SLC1A1: variants seen among roughly 807,000 people sequenced by gnomAD.
SLC1A1 encodes the protein solute carrier family 1 member 1.
A neutral mutation model predicts 53.3 loss-of-function variants in SLC1A1; 43 were observed. The observed-to-expected ratio is 0.81, with a 90% confidence interval of 0.63 to 1.04. The LOEUF is 1.04. Among genes scored for constraint, SLC1A1 ranks in the 50% least tolerant of loss-of-function variants. SLC1A1 has a pLI of 0.00. For synonymous variants in SLC1A1, 307 were observed against 243.2 expected (o/e 1.26, Z -2.44); for missense variants, 748 against 664.9 (o/e 1.12, Z -1.37).
At position 4,552,918 on chromosome 9, in the gene SLC1A1, G is replaced by A. The variant is rs75587526; in HGVS notation, c.232+8211G>A. 1.2e-4 allele frequency among the ~76,000 whole-genome samples: 18 copies of A among 151,986 alleles called. No individual in the cohort carries two copies. In the East Asian group the frequency reaches 2.9e-3, roughly 24 times the overall value. On this transcript the variant is annotated intron_variant, in intron 2 of 11. Coordinates refer to ENST00000262352, the MANE Select transcript of SLC1A1 (RefSeq NM_004170.6). Reference sequence around the variant, plus strand: ...AGGGCCAATATCAGAATTGAGCTACGCAGATATGAACACACTGAATGCATT... The same window carrying A: ...AGGGCCAATATCAGAATTGAGCTACACAGATATGAACACACTGAATGCATT...
chr9:4,506,907 G>A (rs1820827324), intron 1 of SLC1A1, among the ~76,000 whole-genome samples: 1 of 152,190 alleles, frequency 6.6e-6, no homozygotes, highest in Non-Finnish European at 1.5e-5. Context: ...TACTAAGGGG[G>A]CTGAAGATTC....
intron 1 of SLC1A1, among the ~76,000 whole-genome samples, chr9:4,515,761 TG>T (rs1821141824): frequency 6.6e-6 from 1 of 152,310 alleles, no homozygotes; most frequent in South Asian, 2.1e-4. Flanking sequence ...CCAGCAGGAC[TG>T]AACCCTTGCT....
At chr9:4,547,884 T>G (rs12341219) in intron 2 of SLC1A1, among the ~76,000 whole-genome samples, 40,547 of 151,994 alleles carry the variant, frequency 0.27, 6,201 homozygotes, top group Admixed American at 0.38. Context: ...TTTAATTACA[T>G]GTGGGAACAT....
chr9:4,575,932 T>G (rs1420588006), intron 8 of SLC1A1, 69 bp from the exon 9 acceptor site: 2 of 1,563,250 alleles, frequency 1.3e-6, no homozygotes, highest in Non-Finnish European at 1.8e-6. Context: ...AAAAGATGTT[T>G]GATAAAAGGA....
intron 1 of SLC1A1, among the ~76,000 whole-genome samples, chr9:4,512,890 A>C (rs1821044182): frequency 6.6e-6 from 1 of 152,178 alleles, no homozygotes. Flanking sequence ...TCAGACTCTC[A>C]AAGTGCTGAG....
At chr9:4,547,970 T>C (rs544626818) in intron 2 of SLC1A1, among the ~76,000 whole-genome samples, 3 of 152,304 alleles carry the variant, frequency 2.0e-5, no homozygotes, top group African/African-American at 7.2e-5. Flanking sequence ...TATTAAAATG[T>C]ATATACATTT....
chr9:4,524,376 A>G (rs1464749319), intron 1 of SLC1A1, among the ~76,000 whole-genome samples: 1 of 152,210 alleles, frequency 6.6e-6, no homozygotes, highest in African/African-American at 2.4e-5. Flanking sequence ...ACACAAAGAA[A>G]TATAAAAGTC....
At chr9:4,561,902 A>T (rs1247308555) in intron 3 of SLC1A1, among the ~76,000 whole-genome samples, 1 of 152,076 alleles carries the variant, frequency 6.6e-6, no homozygotes, top group Non-Finnish European at 1.5e-5. Context: ...AGAAAAGCTC[A>T]ACTACTTTTT....
At chr9:4,569,902 G>T (rs1819863279) in intron 6 of SLC1A1, among the ~76,000 whole-genome samples, 1 of 152,170 alleles carries the variant, frequency 6.6e-6, no homozygotes, top group African/African-American at 2.4e-5. Flanking sequence ...ACAGATGCCA[G>T]GCCTCTGTCC....
intron 1 of SLC1A1, among the ~76,000 whole-genome samples, chr9:4,536,083 T>G (rs1407927673): frequency 1.3e-5 from 2 of 152,080 alleles, no homozygotes; most frequent in Non-Finnish European, 2.9e-5. Context: ...CCTAAAACCA[T>G]AAAAACCCTA....
chr9:4,556,721 T>G lies in SLC1A1; in HGVS notation c.233-4728T>G, dbSNP rs1480344348. Among the ~76,000 whole-genome samples the G allele has an allele frequency of 6.6e-6, 1 of 152,220 alleles. No homozygotes were observed. The highest frequency in any genetic ancestry group is 2.4e-5 in the African/African-American group (1 of 41,456). ...AACATTCATTGCGCTAGACCACAAGTTCTCACCAAGACAATATCGTCCCCA... is the reference window on the plus strand; with the variant it reads ...AACATTCATTGCGCTAGACCACAAGGTCTCACCAAGACAATATCGTCCCCA... On this transcript the variant is annotated intron_variant, in intron 2 of 11. Coordinates refer to ENST00000262352, the MANE Select transcript of SLC1A1 (RefSeq NM_004170.6). This position sits in a 1 kb window ranked among gnomAD's most constrained non-coding sequence, Gnocchi z 4.1.
chr9:4,505,040 TATTTC>T (rs964062692), intron 1 of SLC1A1, among the ~76,000 whole-genome samples: 3 of 119,340 alleles, frequency 2.5e-5, no homozygotes, highest in African/African-American at 9.8e-5. Flanking sequence ...TGTGTACATA[TATTTC>T]TTTTTTTTTT....
intron 1 of SLC1A1, among the ~76,000 whole-genome samples, chr9:4,507,208 C>T (rs1274387958): frequency 6.6e-6 from 1 of 151,798 alleles, no homozygotes; most frequent in African/African-American, 2.4e-5. Context: ...GCACTCCAGC[C>T]TGGGTGACAC....
At chr9:4,544,006 C>T (rs1817240758) in intron 1 of SLC1A1, among the ~76,000 whole-genome samples, 1 of 152,040 alleles carries the variant, frequency 6.6e-6, no homozygotes, top group Non-Finnish European at 1.5e-5. Context: ...GAATGAAACC[C>T]TCTCAAGAAA....
chr9:4,543,185 A>G (rs1038724488), intron 1 of SLC1A1, among the ~76,000 whole-genome samples: 1 of 152,236 alleles, frequency 6.6e-6, no homozygotes, highest in African/African-American at 2.4e-5. Flanking sequence ...TCATTGCCCT[A>G]GAGTTTTTAA....
At chr9:4,510,561 A>G (rs986746838) in intron 1 of SLC1A1, among the ~76,000 whole-genome samples, 1 of 152,086 alleles carries the variant, frequency 6.6e-6, no homozygotes, top group Non-Finnish European at 1.5e-5. Flanking sequence ...TATCATCTGG[A>G]CCTGTTGTCT....
chr9:4,580,401 CG>C (rs1232034163), intron 10 of SLC1A1, among the ~76,000 whole-genome samples: 2 of 151,728 alleles, frequency 1.3e-5, no homozygotes, highest in Non-Finnish European at 2.9e-5. Flanking sequence ...AGCAACAAGG[CG>C]AGGCCCCGTC....
At chr9:4,558,148 T>C (rs1338397162) in intron 2 of SLC1A1, among the ~76,000 whole-genome samples, 1 of 152,222 alleles carries the variant, frequency 6.6e-6, no homozygotes, top group East Asian at 1.9e-4. Flanking sequence ...CATTAAGTTC[T>C]GTAATGTTCC....
Position 4,572,386 on chromosome 9 carries a change from G to C in SLC1A1, c.765G>C (p.Met255Ile). ...CCATGAAAATCGTTCAGATCATCAT[G>C]TGGTGAGCAGACACTGTTTAATGTC... The part of the protein sequence containing the change: ...DATMKIVQII[M>I]CYMPLGILFL... The change falls in exon 7 of 12, where the codon ATG becomes ATC. Residue 255 changes from methionine (M) to isoleucine (I), a missense_variant and splice_region_variant. Coordinates refer to ENST00000262352, the MANE Select transcript of SLC1A1 (RefSeq NM_004170.6). 1 of 1,613,186 alleles carries C rather than the reference G, an allele frequency of 6.2e-7. No individual in the cohort carries two copies. Among genetic ancestry groups the C allele is most frequent in the Non-Finnish European group, 8.5e-7 (1 of 1,179,146 alleles).
Sources: gnomAD v4.1 joint callset for allele counts (sites outside exome capture counted in the v4.1 genomes callset) on GRCh38, gnomAD v4.1.1 for gene constraint, Gnocchi (gnomAD v3.1) non-coding constraint, MANE v1.5 for transcripts, NCBI Gene and HGNC (gene_info 2026-07-23, HGNC 2026-07-21) for gene names.